SNX29: variants seen among roughly 807,000 people sequenced by gnomAD.
SNX29 encodes the protein sorting nexin-29.
A neutral mutation model predicts 102.1 loss-of-function variants in SNX29; 78 were observed. The observed-to-expected ratio is 0.76, with a 90% CI of 0.64 to 0.92. The LOEUF is 0.92. Ranked by LOEUF, SNX29 falls within the 40% of genes least tolerant of loss-of-function variation. The probability of loss-of-function intolerance (pLI) is 0.00; values close to 1 mark genes in which losing one functional copy is unlikely to be tolerated. For missense variants in SNX29, 1,280 were observed against 1,061.7 expected (o/e 1.21, Z -2.86); for synonymous variants, 580 against 414.5 (o/e 1.40, Z -4.85).
chr16:12,003,987 G>T (rs2056375743), intron 3 of SNX29, among the ~76,000 whole-genome samples: 1 of 152,092 alleles, frequency 6.6e-6, no homozygotes, highest in African/African-American at 2.4e-5. Flanking sequence ...AGTGAGCTGA[G>T]ATCGCGCCAC....
At chr16:12,515,408 A>G (rs2089819191) in intron 19 of SNX29, 1 of 431,216 alleles carries the variant, frequency 2.3e-6, no homozygotes, top group Non-Finnish European at 4.7e-6. Flanking sequence ...GAGCTGAATG[A>G]GAGGATGAAT....
At position 12,264,237 on chromosome 16, in the gene SNX29, T is replaced by C. The variant is rs1046823094; in HGVS notation, c.1679-13696T>C. Among the ~76,000 whole-genome samples, 4 of 152,352 alleles carry C rather than the reference T, an allele frequency of 2.6e-5. No homozygotes were observed. In the South Asian group the frequency reaches 8.3e-4, roughly 32 times the overall value. Reference sequence around the variant, plus strand: ...CTGTTGACGTGCATCGTTTTTTAGCTGCCCCATATCTAACTGCCTGTGGTA... The same window carrying C: ...CTGTTGACGTGCATCGTTTTTTAGCCGCCCCATATCTAACTGCCTGTGGTA... On this transcript the variant is annotated intron_variant, in intron 14 of 20. Transcript: ENST00000566228.
At chr16:12,432,073 G>A (rs2085338822) in intron 18 of SNX29, among the ~76,000 whole-genome samples, 1 of 152,218 alleles carries the variant, frequency 6.6e-6, no homozygotes, top group Non-Finnish European at 1.5e-5. Flanking sequence ...GTGCTGGGAA[G>A]GAAATAAGAC....
intron 11 of SNX29, among the ~76,000 whole-genome samples, chr16:12,104,934 A>C (rs1361978713): frequency 6.6e-6 from 1 of 152,238 alleles, no homozygotes; most frequent in African/African-American, 2.4e-5. Flanking sequence ...GCTGGGTCTG[A>C]ATGTCTGCTG....
rs150020079 is a variant in SNX29 at position 12,408,372 on chromosome 16, C to G, written c.2037+4843C>G. Among the ~76,000 whole-genome samples the G allele has an allele frequency of 1.2e-3, 188 of 152,336 alleles. 1 individual carries two copies. Among genetic ancestry groups the G allele is most frequent in the African/African-American group, 4.3e-3 (179 of 41,578 alleles). On this transcript the variant is annotated intron_variant, in intron 18 of 20. Coordinates refer to ENST00000566228, the MANE Select transcript of SNX29 (RefSeq NM_032167.5). Reference sequence around the variant, plus strand: ...TGTGGTGCACACATTATCCAGCAAGCCCTCCACATCCAAGAGCCAGGCTGA... The same window carrying G: ...TGTGGTGCACACATTATCCAGCAAGGCCTCCACATCCAAGAGCCAGGCTGA...
intron 6 of SNX29, among the ~76,000 whole-genome samples, chr16:12,046,899 G>T (rs1369288361): frequency 1.3e-5 from 2 of 152,196 alleles, no homozygotes; most frequent in Admixed American, 6.5e-5. Context: ...GATTGCAGGT[G>T]TGAGCCACCG....
At chr16:12,499,121 A>G (rs2088979628) in intron 19 of SNX29, among the ~76,000 whole-genome samples, 1 of 152,166 alleles carries the variant, frequency 6.6e-6, no homozygotes, top group Admixed American at 6.5e-5. Flanking sequence ...GCAGTGGGAA[A>G]TCGCAGTAGA....
At chr16:12,094,374 C>T (rs1004703249) in intron 11 of SNX29, among the ~76,000 whole-genome samples, 4 of 152,144 alleles carry the variant, frequency 2.6e-5, no homozygotes, top group Admixed American at 2.0e-4. Context: ...ACGTTGCTGA[C>T]GAATCTTCCT....
intron 14 of SNX29, among the ~76,000 whole-genome samples, chr16:12,233,960 G>C (rs1264230223): frequency 6.6e-6 from 1 of 152,148 alleles, no homozygotes; most frequent in Non-Finnish European, 1.5e-5. Flanking sequence ...GGCTAAAACA[G>C]ATTTTACTAT....
chr16:12,245,710 A>AT (rs919691501), intron 14 of SNX29, among the ~76,000 whole-genome samples: 2 of 151,994 alleles, frequency 1.3e-5, no homozygotes, highest in East Asian at 1.9e-4. Context: ...TGAAACAAGG[A>AT]TTTTTCCTGC....
chr16:12,537,327 C>T lies in SNX29; in HGVS notation c.2318+12486C>T, dbSNP rs188897193. On this transcript the variant is annotated intron_variant, in intron 20 of 20. Transcript: ENST00000566228. ...TTAGTATAGTGGCTAAGCCAAAGCT[C>T]TGTTAGTAAATTCCTACAGGAGCTC... Among the ~76,000 whole-genome samples, 469 of 152,330 alleles carry T rather than the reference C, an allele frequency of 3.1e-3. 6 individuals carry two copies. Among genetic ancestry groups the T allele is most frequent in the Non-Finnish European group, 1.8e-3 (125 of 68,036 alleles).
At position 12,571,676 on chromosome 16, in the gene SNX29, G is replaced by A. The variant is rs1434163178; in HGVS notation, c.*3047G>A. 1.9e-6 allele frequency: 2 copies of A among 1,059,406 alleles called. No homozygotes were observed. The allele number at this position is 1,059,406 out of a possible 1,614,324, so 65.6% of individuals were successfully genotyped here. ...TCAGGAACGGTAGGGCTGGGCAGAG[G>A]TGTCTCTCCTTGAGAGACAACAAAA... On this transcript the variant is annotated 3_prime_UTR_variant, in exon 21 of 21. Transcript: ENST00000566228.
chr16:12,050,298 A>G (rs140448801), intron 7 of SNX29, among the ~76,000 whole-genome samples: 120 of 152,344 alleles, frequency 7.9e-4, no homozygotes, highest in Middle Eastern at 3.4e-3. Flanking sequence ...TCTTACATCC[A>G]AGTGTGATGA....
At chr16:12,512,419 G>GA (rs2089672515) in intron 19 of SNX29, among the ~76,000 whole-genome samples, 1 of 38,740 alleles carries the variant, frequency 2.6e-5, no homozygotes, top group African/African-American at 1.1e-4. Flanking sequence ...TATATATATA[G>GA]TTTTCGGTTT....
At chr16:12,554,025 C>T (rs1173241344) in intron 20 of SNX29, among the ~76,000 whole-genome samples, 2 of 152,138 alleles carry the variant, frequency 1.3e-5, no homozygotes, top group East Asian at 1.9e-4. Context: ...GCGTTTTAAC[C>T]ATGTTGCCCA....
chr16:12,209,182 G>T (rs1281288717), intron 14 of SNX29, among the ~76,000 whole-genome samples: 2 of 152,200 alleles, frequency 1.3e-5, no homozygotes, highest in Non-Finnish European at 2.9e-5. Flanking sequence ...GTTGCAGGGG[G>T]GTAAAGTATA....
At chr16:12,395,402 T>C (rs950547930) in intron 16 of SNX29, among the ~76,000 whole-genome samples, 13 of 152,372 alleles carry the variant, frequency 8.5e-5, no homozygotes, top group Middle Eastern at 3.4e-3. Flanking sequence ...CAGAAGTGGA[T>C]TCCCCGTTGG....
rs1030136997 is a variant in SNX29 at position 12,569,676 on chromosome 16, G to T, written c.*1047G>T. ...TTCCTCCCATGTCAGGTGGCTCTCAGAGTACAGGGACCTTGGCAGGTGGAG... is the reference window on the plus strand; with the variant it reads ...TTCCTCCCATGTCAGGTGGCTCTCATAGTACAGGGACCTTGGCAGGTGGAG... On this transcript the variant is annotated 3_prime_UTR_variant, in exon 21 of 21. Coordinates refer to ENST00000566228, the MANE Select transcript of SNX29 (RefSeq NM_032167.5). 5 of 230,108 alleles carry T rather than the reference G, an allele frequency of 2.2e-5. No homozygotes were observed. The East Asian group carries it at 3.1e-4, about 14-fold the overall frequency. 14.3% of individuals were successfully genotyped at this position (230,108 alleles called of 1,614,324 possible).
intron 19 of SNX29, among the ~76,000 whole-genome samples, chr16:12,508,439 C>G (rs2089470371): frequency 6.6e-6 from 1 of 152,194 alleles, no homozygotes; most frequent in African/African-American, 2.4e-5. Flanking sequence ...TTTCTTTTTT[C>G]TGTTGCTTCT....
Sources: allele counts gnomAD v4.1 joint callset (sites outside exome capture counted in the v4.1 genomes callset), GRCh38; gene constraint gnomAD v4.1.1; transcripts MANE v1.5; gene names NCBI Gene and HGNC (gene_info 2026-07-23, HGNC 2026-07-21).